The following MDN1 variants were observed in gnomAD, a reference collection of about 807,000 sequenced individuals.
MDN1 encodes midasin AAA ATPase 1, also known as midasin.
A neutral mutation model predicts 669.2 loss-of-function variants in MDN1; 266 were observed. That is an observed-to-expected ratio of 0.40 (90% CI 0.36 to 0.44). The LOEUF is 0.44. Among genes scored for constraint, MDN1 ranks in the 20% least tolerant of loss-of-function variants. The pLI, the probability that MDN1 is intolerant of heterozygous loss-of-function variation, is 1.00. For synonymous variants in MDN1, 2,385 were observed against 2,457.1 expected, an observed-to-expected ratio of 0.97 and a Z score of 0.87; for missense variants, 5,940 against 6,754.0, an observed-to-expected ratio of 0.88 and a Z score of 4.22.
intron 10 of MDN1, chr6:89,781,111 T>C (rs368331215): frequency 6.1e-5 from 24 of 395,258 alleles, no homozygotes; most frequent in African/African-American, 4.5e-4. Context: ...TAGGAGCCAC[T>C]CCCAAGTTGG....
intron 32 of MDN1, 74 bp from the exon 33 acceptor site, chr6:89,738,529 T>C (rs2128316497): frequency 2.0e-6 from 3 of 1,521,620 alleles, no homozygotes; most frequent in Admixed American, 1.8e-5. Flanking sequence ...CTTGAAAGAA[T>C]GTTGTTAGCT....
intron 10 of MDN1, chr6:89,781,181 T>C: frequency 5.2e-6 from 3 of 573,346 alleles, no homozygotes; most frequent in Non-Finnish European, 9.3e-6. Flanking sequence ...TCCCAGTCAT[T>C]AATTATAAAT....
At chr6:89,705,992 T>C (rs901630154) in intron 53 of MDN1, 67 bp downstream of exon 53, 2 of 1,429,952 alleles carry the variant, frequency 1.4e-6, no homozygotes, top group Non-Finnish European at 1.9e-6. Context: ...GTCTTAGCCC[T>C]AAGAATCTTT....
intron 34 of MDN1, 126 bp from the exon 35 acceptor site, chr6:89,731,049 T>C: frequency 1.4e-6 from 1 of 722,006 alleles, no homozygotes; most frequent in Non-Finnish European, 2.3e-6. Context: ...CTAAATGTGA[T>C]TTCTAGTGTA....
chr6:89,784,042 A>G (rs958769272), intron 9 of MDN1, among the ~76,000 whole-genome samples: 2 of 152,038 alleles, frequency 1.3e-5, no homozygotes, highest in Admixed American at 6.6e-5. Flanking sequence ...GGCCAGGCAC[A>G]GTGGCTCACA....
At chr6:89,688,866 G>A in intron 65 of MDN1, 58 bp from the exon 66 acceptor site, 1 of 1,425,788 alleles carries the variant, frequency 7.0e-7, no homozygotes, top group Non-Finnish European at 9.8e-7. Flanking sequence ...CTATCAACAT[G>A]TCAAAAAGAT....
intron 95 of MDN1, among the ~76,000 whole-genome samples, chr6:89,651,518 A>G (rs1358568405): frequency 1.3e-5 from 2 of 152,098 alleles, no homozygotes; most frequent in Non-Finnish European, 2.9e-5. Context: ...TGGGAGGCTG[A>G]GGCACGAGAA....
At chr6:89,771,767 G>C in intron 14 of MDN1, 146 bp from the exon 15 acceptor site, 1 of 671,608 alleles carries the variant, frequency 1.5e-6, no homozygotes, top group Non-Finnish European at 2.5e-6. Context: ...GGAGTGCAGT[G>C]GCCCAATCAT....
At chr6:89,772,430 G>C in intron 14 of MDN1, 143 bp downstream of exon 14, 1 of 766,858 alleles carries the variant, frequency 1.3e-6, no homozygotes, top group Admixed American at 2.7e-5. Context: ...TCTATTAACA[G>C]TAGTTATTTC....
Position 89,673,363 on chromosome 6 carries a change from C to T in MDN1, c.13347G>A (p.Glu4449=). The change falls in exon 80 of 102, where the codon GAG becomes GAA. Residue 4449 remains glutamate (E), a synonymous_variant. Coordinates refer to ENST00000369393, the MANE Select transcript of MDN1 (RefSeq NM_014611.3). ...LESLFILPGM[E]VEQRDSQMAL... ...CCATTTGTGAGTCTCTTTGCTCAACCTCCATCCCTGGAAGAATGAACAAGG... is the reference window on the plus strand; with the variant it reads ...CCATTTGTGAGTCTCTTTGCTCAACTTCCATCCCTGGAAGAATGAACAAGG... 6.2e-7 allele frequency: 1 copy of T among 1,614,184 alleles called. No individual in the cohort carries two copies. The highest frequency in any genetic ancestry group is 1.7e-5 in the Admixed American group (1 of 60,020).
chr6:89,709,786 A>G (rs1813758644), intron 50 of MDN1, among the ~76,000 whole-genome samples: 1 of 152,192 alleles, frequency 6.6e-6, no homozygotes, highest in South Asian at 2.1e-4. Flanking sequence ...ACTCTGTTCT[A>G]GGAAATGTTT....
intron 84 of MDN1, among the ~76,000 whole-genome samples, chr6:89,664,875 T>G (rs1478809241): frequency 2.6e-5 from 4 of 152,192 alleles, no homozygotes; most frequent in African/African-American, 9.7e-5. Context: ...CCAGAGACAT[T>G]TGCAAGAATA....
intron 29 of MDN1, 139 bp downstream of exon 29, chr6:89,745,134 T>TAAAAAAAAAAAAAAAA (rs60588845): frequency 1.1e-4 from 31 of 282,988 alleles, no homozygotes; most frequent in East Asian, 5.2e-4. Context: ...AGTCTCTTCT[T>TAAAAAAAAAAAAAAAA]AAAAAAAAAA....
chr6:89,758,725 T>C, intron 18 of MDN1, 91 bp downstream of exon 18: 1 of 1,379,226 alleles, frequency 7.3e-7, no homozygotes, highest in African/African-American at 1.4e-5. Flanking sequence ...GAGGCCCATG[T>C]CATCCTTCTA....
At chr6:89,678,508 G>A (rs1162778387) in intron 75 of MDN1, 91 bp downstream of exon 75, 4 of 1,459,218 alleles carry the variant, frequency 2.7e-6, no homozygotes, top group Non-Finnish European at 3.8e-6. Context: ...CATCTCAACT[G>A]TCTATGGAAT....
chr6:89,714,600 T>C lies in MDN1; in HGVS notation c.7012A>G (p.Asn2338Asp). 2 of 1,614,084 alleles carry C rather than the reference T, an allele frequency of 1.2e-6. No individual in the cohort carries two copies. The highest frequency in any genetic ancestry group is 1.7e-6 in the Non-Finnish European group (2 of 1,179,996). ...VLLHSLGLVGNSVCDILLALH... is the reference protein window; with the variant it reads ...VLLHSLGLVGDSVCDILLALH... ...GCCAAGAGGATGTCACATACACTGTTCCCCACCAATCCAAGGCTGTGCAGC... is the reference window on the plus strand; with the variant it reads ...GCCAAGAGGATGTCACATACACTGTCCCCCACCAATCCAAGGCTGTGCAGC... The change falls in exon 46 of 102, where the codon AAC becomes GAC. Residue 2338 changes from asparagine to aspartate, a missense_variant. Asn to Asp is a conservative substitution (Grantham distance 23, BLOSUM62 1). Coordinates refer to ENST00000369393, the MANE Select transcript of MDN1 (RefSeq NM_014611.3).
At chr6:89,683,798 T>C (rs779846267) in intron 72 of MDN1, 33 bp downstream of exon 72, 35 of 1,538,368 alleles carry the variant, frequency 2.3e-5, no homozygotes, top group Middle Eastern at 1.8e-4. Context: ...TCTATTCTAT[T>C]TTGGTTGTCT....
Position 89,819,785 on chromosome 6 carries a change from T to A in MDN1, c.-178A>T. 1.7e-6 allele frequency: 1 copy of A among 596,964 alleles called. No homozygotes were observed. The highest frequency in any genetic ancestry group is 3.0e-6 in the Non-Finnish European group (1 of 334,936). The allele number at this position is 596,964 out of a possible 1,614,324, so 37.0% of individuals were successfully genotyped here. A position where few individuals can be genotyped will look rare whatever the true frequency, so the allele number is the denominator to read the frequency against. On this transcript the variant is annotated 5_prime_UTR_variant, in exon 1 of 102. Transcript: ENST00000369393. ...CACACGTGGGTGAGCACACGGCGTT[T>A]GACGTCATCAGCTCGGGACGGCTAC...
At chr6:89,727,421 C>T (rs371681003) in intron 37 of MDN1, among the ~76,000 whole-genome samples, 8 of 152,320 alleles carry the variant, frequency 5.3e-5, no homozygotes, top group Admixed American at 3.3e-4. Context: ...CATATGCACA[C>T]ATAACGGATC....
Sources: gnomAD v4.1 joint callset for allele counts (sites outside exome capture counted in the v4.1 genomes callset) on GRCh38, gnomAD v4.1.1 for gene constraint, MANE v1.5 for transcripts, NCBI Gene and HGNC (gene_info 2026-07-23, HGNC 2026-07-21) for gene names.